SLC17A6: variants seen among roughly 807,000 people sequenced by gnomAD.
The protein encoded by SLC17A6 is vesicular glutamate transporter 2.
In SLC17A6, 35 loss-of-function variants were observed where a neutral mutation model predicts 67.1. The ratio of observed to expected loss-of-function variants is 0.52; its 90% CI spans 0.40 to 0.69. The LOEUF (loss-of-function observed/expected upper bound fraction) is 0.69. SLC17A6 is among the 30% of genes least tolerant of loss of function. SLC17A6 has a pLI of 0.00. For missense variants in SLC17A6, 588 were observed against 723.9 expected (o/e 0.81, Z 2.15); for synonymous variants, 285 against 252.3 (o/e 1.13, Z -1.23).
chr11:22,349,561 C>T (rs558755946), intron 3 of SLC17A6, among the ~76,000 whole-genome samples: 16 of 152,158 alleles, frequency 1.1e-4, no homozygotes, highest in Non-Finnish European at 1.6e-4. Flanking sequence ...TGGCTTTTCC[C>T]GCTGCTGCAG....
chr11:22,354,322 G>A (rs908879413), intron 3 of SLC17A6, among the ~76,000 whole-genome samples: 3 of 152,082 alleles, frequency 2.0e-5, no homozygotes, highest in Non-Finnish European at 4.4e-5. Context: ...GACCTCAGGC[G>A]ATCCACCCAC....
At chr11:22,361,048 T>G in intron 5 of SLC17A6, 64 bp downstream of exon 5, 2 of 1,446,736 alleles carry the variant, frequency 1.4e-6, no homozygotes, top group Non-Finnish European at 1.9e-6. Context: ...GAATAAGAAT[T>G]GAAAATTTGG....
chr11:22,358,837 G>A (rs918584095), intron 3 of SLC17A6, among the ~76,000 whole-genome samples: 2 of 152,304 alleles, frequency 1.3e-5, no homozygotes, highest in Non-Finnish European at 2.9e-5. Flanking sequence ...GAGAACATGT[G>A]CTAAGGGATT....
At chr11:22,340,829 A>G (rs554425261) in intron 1 of SLC17A6, among the ~76,000 whole-genome samples, 1 of 152,214 alleles carries the variant, frequency 6.6e-6, no homozygotes, top group East Asian at 1.9e-4. Context: ...GGCGGGATGA[A>G]GGGGAAGGAG....
intron 2 of SLC17A6, among the ~76,000 whole-genome samples, chr11:22,342,635 G>C (rs948655071): frequency 2.0e-5 from 3 of 152,026 alleles, no homozygotes; most frequent in African/African-American, 7.3e-5. Context: ...AAATACCCCT[G>C]CCCCGTATTT....
chr11:22,358,125 A>T (rs978108141), intron 3 of SLC17A6, among the ~76,000 whole-genome samples: 4 of 152,192 alleles, frequency 2.6e-5, no homozygotes, highest in Admixed American at 2.6e-4. Flanking sequence ...CACAAGAAAG[A>T]TTAGAGCTTC....
intron 3 of SLC17A6, among the ~76,000 whole-genome samples, chr11:22,349,353 AT>A (rs1259477773): frequency 6.6e-6 from 1 of 152,038 alleles, no homozygotes; most frequent in Non-Finnish European, 1.5e-5. Flanking sequence ...CTGCCTTCCT[AT>A]TGTGGGCCCC....
chr11:22,347,043 C>A (rs191797296), intron 3 of SLC17A6, among the ~76,000 whole-genome samples: 3 of 151,672 alleles, frequency 2.0e-5, no homozygotes, highest in Admixed American at 1.3e-4. Flanking sequence ...GATTTCTCAA[C>A]GCTGCTTTAT....
chr11:22,360,840 C>G, intron 4 of SLC17A6, 57 bp from the exon 5 acceptor site: 5 of 1,487,046 alleles, frequency 3.4e-6, no homozygotes, highest in Non-Finnish European at 4.7e-6. Context: ...GTACAGGATA[C>G]TAAAAAGACT....
intron 5 of SLC17A6, among the ~76,000 whole-genome samples, chr11:22,361,680 T>G (rs1856054220): frequency 6.6e-6 from 1 of 152,188 alleles, no homozygotes; most frequent in South Asian, 2.1e-4. Context: ...TCCCAGCTTT[T>G]GAAGTGTAGA....
At position 22,341,790 on chromosome 11, in the gene SLC17A6, G is replaced by T; in HGVS notation, c.339+10G>T. On this transcript the variant is annotated intron_variant, in intron 2 of 11. Transcript: ENST00000263160. ...CAAGGTCATCAAGGAGGTGGGCAAC[G>T]TCTGGCCGCCCTGGCTCCTGCCCTT... is the stretch of plus-strand genomic sequence containing the variant. The T allele has an allele frequency of 6.2e-7, 1 of 1,612,696 alleles. No individual in the cohort carries two copies.
At chr11:22,354,090 C>CT (rs35501356) in intron 3 of SLC17A6, among the ~76,000 whole-genome samples, 21,592 of 148,936 alleles carry the variant, frequency 0.14, 1,624 homozygotes, top group East Asian at 0.25. Context: ...TTTTTTTCTT[C>CT]TTTTTTTTTT....
At position 22,379,448 on chromosome 11, in the gene SLC17A6, T is replaced by A. The variant is rs1341685817; in HGVS notation, c.*1708T>A. Reference sequence around the variant, plus strand: ...TTGAATGAAAATATGTGGACTGTCATTTTGTTGCAGCAAAAAAGTGTTAAT... The same window carrying A: ...TTGAATGAAAATATGTGGACTGTCAATTTGTTGCAGCAAAAAAGTGTTAAT... On this transcript the variant is annotated 3_prime_UTR_variant, in exon 12 of 12. Coordinates refer to ENST00000263160, the MANE Select transcript of SLC17A6 (RefSeq NM_020346.3). 6.6e-6 allele frequency: 1 copy of A among 152,524 alleles called. No individual in the cohort carries two copies. The highest frequency in any genetic ancestry group is 1.5e-5 in the Non-Finnish European group (1 of 68,016). 9.4% of individuals were successfully genotyped at this position (152,524 alleles called of 1,614,324 possible).
Position 22,343,265 on chromosome 11 carries a change from G to A in SLC17A6, c.358G>A (p.Asp120Asn), listed in dbSNP as rs767452951. The stretch of plus-strand genomic sequence containing the variant: ...TCCATAGAAAGCCAAATTCAACTGG[G>A]ACCCGGAAACCGTGGGGATGATCCA... ...VIKEKAKFNW[D>N]PETVGMIHGS... is the part of the protein sequence containing the mutation. Residue 120 changes from aspartate (D) to asparagine (N), a missense_variant, in exon 3 of 12, where the codon GAC becomes AAC. Physicochemically the swap from Asp to Asn is conservative, Grantham distance 23. Coordinates refer to ENST00000263160, the MANE Select transcript of SLC17A6 (RefSeq NM_020346.3). The A allele has an allele frequency of 1.2e-6, 2 of 1,613,374 alleles. No individual in the cohort carries two copies. Among genetic ancestry groups the A allele is most frequent in the South Asian group, 1.1e-5 (1 of 90,908 alleles).
chr11:22,343,414 C>T, intron 3 of SLC17A6, 49 bp downstream of exon 3: 1 of 1,491,146 alleles, frequency 6.7e-7, no homozygotes, highest in Non-Finnish European at 9.2e-7. Flanking sequence ...TTTGTTTCCT[C>T]CGAAGGGGCA....
intron 7 of SLC17A6, among the ~76,000 whole-genome samples, chr11:22,369,554 C>T (rs1856151145): frequency 6.6e-6 from 1 of 151,840 alleles, no homozygotes; most frequent in Non-Finnish European, 1.5e-5. Flanking sequence ...GAATAATTGA[C>T]TTCAGGTAGG....
At position 22,374,966 on chromosome 11, in the gene SLC17A6, C is replaced by T; in HGVS notation, c.1174+79C>T. 3.8e-6 allele frequency: 5 copies of T among 1,330,520 alleles called. No homozygotes were observed. The South Asian group carries it at 7.0e-5, about 19-fold the overall frequency. The allele number at this position is 1,330,520 out of a possible 1,614,324, so 82.4% of individuals were successfully genotyped here. Reference sequence around the variant, plus strand: ...ACATGAGAGAATAACTTTTTCTACACATATCAAATTACTTAGATGCAGTTA... The same window carrying T: ...ACATGAGAGAATAACTTTTTCTACATATATCAAATTACTTAGATGCAGTTA... On this transcript the variant is annotated intron_variant, in intron 9 of 11. Transcript: ENST00000263160.
intron 6 of SLC17A6, among the ~76,000 whole-genome samples, chr11:22,365,080 G>A (rs1328742088): frequency 1.3e-5 from 2 of 152,126 alleles, no homozygotes; most frequent in African/African-American, 4.8e-5. Flanking sequence ...GTGCTAACAG[G>A]AGAGGGAAAA....
intron 3 of SLC17A6, among the ~76,000 whole-genome samples, chr11:22,351,834 G>T (rs562097681): frequency 6.6e-6 from 1 of 152,212 alleles, no homozygotes; most frequent in Non-Finnish European, 1.5e-5. Flanking sequence ...GGGCAGTAGT[G>T]CTGTGAAACC....
Sources: allele counts gnomAD v4.1 joint callset (sites outside exome capture counted in the v4.1 genomes callset), GRCh38; gene constraint gnomAD v4.1.1; transcripts MANE v1.5; gene names NCBI Gene and HGNC (gene_info 2026-07-23, HGNC 2026-07-21).